Variants in TEX14 observed in about 807,000 individuals in gnomAD.
TEX14 encodes testis expressed 14, intercellular bridge forming factor, also known as inactive serine/threonine-protein kinase TEX14.
TEX14 carries 168 observed loss-of-function variants against 178.6 expected under a neutral mutation model. The ratio of observed to expected loss-of-function variants is 0.94; its 90% CI spans 0.83 to 1.07. The LOEUF is 1.07. Among genes scored for constraint, TEX14 ranks in the 50% least tolerant of loss-of-function variants. The pLI, the probability that TEX14 is intolerant of heterozygous loss-of-function variation, is 0.00. For missense variants in TEX14, 1,730 were observed against 1,753.6 expected, an observed-to-expected ratio of 0.99 and a Z score of 0.24; for synonymous variants, 626 against 634.1, an observed-to-expected ratio of 0.99 and a Z score of 0.19.
At chr17:58,658,971 A>C (rs901110084) in intron 1 of TEX14, among the ~76,000 whole-genome samples, 2 of 151,880 alleles carry the variant, frequency 1.3e-5, no homozygotes, top group African/African-American at 4.8e-5. Flanking sequence ...TTATTTTTCC[A>C]CCCTTCCTAG....
chr17:58,612,011 A>G (rs947987669), intron 9 of TEX14, among the ~76,000 whole-genome samples: 7 of 152,184 alleles, frequency 4.6e-5, no homozygotes, highest in African/African-American at 1.7e-4. Flanking sequence ...AAGTATTTAG[A>G]ACAAAGTCAT....
chr17:58,560,433 C>T (rs1270507169), intron 29 of TEX14, among the ~76,000 whole-genome samples: 1 of 152,160 alleles, frequency 6.6e-6, no homozygotes, highest in Non-Finnish European at 1.5e-5. Context: ...CCAGCCACTG[C>T]CTGAGCAGCA....
At chr17:58,598,798 T>C (rs1361063518) in intron 14 of TEX14, 78 bp downstream of exon 14, 20 of 1,345,224 alleles carry the variant, frequency 1.5e-5, no homozygotes, top group Non-Finnish European at 2.0e-5. Context: ...CTTTGGAGAC[T>C]TGGGTGAAAG....
intron 23 of TEX14, among the ~76,000 whole-genome samples, chr17:58,572,717 C>T (rs958552795): frequency 6.6e-6 from 1 of 151,346 alleles, no homozygotes; most frequent in Non-Finnish European, 1.5e-5. Flanking sequence ...AGTCTCTAAA[C>T]TTGGCCTCTA....
At chr17:58,656,144 T>C (rs1192094840) in intron 1 of TEX14, among the ~76,000 whole-genome samples, 1 of 151,044 alleles carries the variant, frequency 6.6e-6, no homozygotes, top group Non-Finnish European at 1.5e-5. Context: ...CTACAAAAAG[T>C]ACGAAAATTA....
At chr17:58,574,278 T>C (rs2044619042) in intron 21 of TEX14, 29 bp from the exon 22 acceptor site, 2 of 1,563,976 alleles carry the variant, frequency 1.3e-6, no homozygotes, top group African/African-American at 1.3e-5. Flanking sequence ...GAAAATTACA[T>C]AAATCCCCTC....
chr17:58,613,275 T>C (rs2045790423), intron 9 of TEX14, 146 bp downstream of exon 9: 13 of 939,902 alleles, frequency 1.4e-5, no homozygotes, highest in Non-Finnish European at 1.8e-5. Flanking sequence ...TTAAATAGCA[T>C]GTTATACAGC....
At position 58,622,865 on chromosome 17, in the gene TEX14, T is replaced by C. The variant is rs1407029899; in HGVS notation, c.399A>G (p.Gly133=). 3 of 1,610,486 alleles carry C rather than the reference T, an allele frequency of 1.9e-6. No individual in the cohort carries two copies. Among genetic ancestry groups the C allele is most frequent in the Non-Finnish European group, 2.5e-6 (3 of 1,177,420 alleles). ...CCCTTACCTGGGTGCTACGCTCCTT[T>C]CCTGCTGTCAAAGCCCAAGTCTTCG... ...QNPKTWALTA[G]KERSTQIVEF... Residue 133 remains glycine, a synonymous_variant, in exon 4 of 32, where the codon GGA becomes GGG. Coordinates refer to ENST00000349033, the MANE Select transcript of TEX14 (RefSeq NM_031272.5).
intron 2 of TEX14, among the ~76,000 whole-genome samples, chr17:58,643,056 A>G (rs1025515655): frequency 6.6e-6 from 1 of 152,244 alleles, no homozygotes; most frequent in Non-Finnish European, 1.5e-5. Flanking sequence ...TCTCCAGCAC[A>G]TTGCCTGGCA....
chr17:58,656,544 G>A (rs1005039878), intron 1 of TEX14, among the ~76,000 whole-genome samples: 3 of 151,604 alleles, frequency 2.0e-5, no homozygotes, highest in Non-Finnish European at 2.9e-5. Flanking sequence ...TCATGAGGTC[G>A]GGAGTTCGAG....
At chr17:58,588,831 A>G (rs1465897638) in intron 15 of TEX14, among the ~76,000 whole-genome samples, 7 of 152,094 alleles carry the variant, frequency 4.6e-5, no homozygotes, top group Non-Finnish European at 8.8e-5. Context: ...TTGGGAGGCT[A>G]AGGCAGGAGG....
chr17:58,670,784 A>C (rs951520179), intron 1 of TEX14, among the ~76,000 whole-genome samples: 11 of 150,620 alleles, frequency 7.3e-5, no homozygotes, highest in Non-Finnish European at 1.3e-4. Context: ...AAAAAAAAAA[A>C]AAAAAAAAAA....
chr17:58,639,275 A>G (rs1025430355), intron 2 of TEX14, among the ~76,000 whole-genome samples: 4 of 152,154 alleles, frequency 2.6e-5, no homozygotes, highest in African/African-American at 7.2e-5. Context: ...CAATGATACA[A>G]TGATCTTGCT....
At chr17:58,661,587 C>A in intron 1 of TEX14, 1 of 725,612 alleles carries the variant, frequency 1.4e-6, no homozygotes. Flanking sequence ...AACTCGTCTT[C>A]AGCAGCTGCC....
rs117517388 is a variant in TEX14 at position 58,678,666 on chromosome 17, G to T, written c.-2+13273C>A. Among the ~76,000 whole-genome samples the T allele has an allele frequency of 4.7e-3, 719 of 152,002 alleles. 5 individuals are homozygous for T. Among genetic ancestry groups the T allele is most frequent in the South Asian group, 8.9e-3 (43 of 4,818 alleles). On this transcript the variant is annotated intron_variant, in intron 1 of 31. Coordinates refer to ENST00000349033, the MANE Select transcript of TEX14 (RefSeq NM_031272.5). ...GGGGTGGGGAACATCATACACCAGG[G>T]TCTGTCATAGGATGGGGGAAACGGG... is the stretch of plus-strand genomic sequence containing the variant.
chr17:58,617,700 A>G (rs1160141310), intron 5 of TEX14, 81 bp from the exon 6 acceptor site: 2 of 979,486 alleles, frequency 2.0e-6, no homozygotes, highest in Non-Finnish European at 1.6e-6. Context: ...AAGTTTTCAG[A>G]AGGTGTAGTT....
intron 5 of TEX14, among the ~76,000 whole-genome samples, chr17:58,618,243 C>A (rs371635939): frequency 6.6e-6 from 1 of 152,332 alleles, no homozygotes; most frequent in East Asian, 1.9e-4. Context: ...ATTCATTATG[C>A]AGCAATAGAT....
intron 4 of TEX14, among the ~76,000 whole-genome samples, chr17:58,622,484 T>A (rs1465763219): frequency 7.2e-5 from 11 of 151,780 alleles, no homozygotes; most frequent in Non-Finnish European, 1.0e-4. Flanking sequence ...TTACTTAATG[T>A]CAGTGGGCCT....
At chr17:58,677,853 GT>G (rs1168912441) in intron 1 of TEX14, 7 of 152,364 alleles carry the variant, frequency 4.6e-5, no homozygotes, top group African/African-American at 1.4e-4. Flanking sequence ...CTTTTCCAAA[GT>G]TTAAGAGCCA....
Sources: gnomAD v4.1 joint callset for allele counts (sites outside exome capture counted in the v4.1 genomes callset) on GRCh38, gnomAD v4.1.1 for gene constraint, MANE v1.5 for transcripts, NCBI Gene and HGNC (gene_info 2026-07-23, HGNC 2026-07-21) for gene names.